Variants in MCF2L2 observed in about 807,000 individuals in gnomAD.
MCF2L2 encodes probable guanine nucleotide exchange factor MCF2L2.
A neutral mutation model predicts 150.2 loss-of-function variants in MCF2L2; 102 were observed. The ratio of observed to expected loss-of-function variants is 0.68; its 90% CI spans 0.58 to 0.80. The LOEUF (loss-of-function observed/expected upper bound fraction) is 0.80, where lower values mean the gene tolerates loss of function less well. Among genes scored for constraint, MCF2L2 ranks in the 30% least tolerant of loss-of-function variants. MCF2L2 has a pLI of 0.00. For missense variants in MCF2L2, 1,256 were observed against 1,372.8 expected, an observed-to-expected ratio of 0.91 and a Z score of 1.34; for synonymous variants, 465 against 491.3, an observed-to-expected ratio of 0.95 and a Z score of 0.71.
intron 3 of MCF2L2, among the ~76,000 whole-genome samples, chr3:183,363,311 C>A (rs1448060258): frequency 6.6e-6 from 1 of 152,126 alleles, no homozygotes; most frequent in African/African-American, 2.4e-5. Flanking sequence ...TAATTTTGCT[C>A]TTTAGTATTT....
chr3:183,323,319 G>A lies in MCF2L2; in HGVS notation c.519C>T (p.His173=), dbSNP rs148174419. The change falls in exon 6 of 30, where the codon CAC becomes CAT. Residue 173 remains histidine (H), a synonymous_variant. Coordinates refer to ENST00000328913, the MANE Select transcript of MCF2L2 (RefSeq NM_015078.4). The stretch of plus-strand genomic sequence containing the variant: ...TCAGTTGGCTTTTGTCGATGTAGCC[G>A]TGAAGGTCAGAGACAGAGTTTACCA... The part of the protein sequence containing the change: ...IIMVNSVSDL[H]GYIDKSQLTR... 52 of 1,613,412 alleles carry A rather than the reference G, an allele frequency of 3.2e-5. No homozygotes were observed. The highest frequency in any genetic ancestry group is 6.7e-5 in the African/African-American group (5 of 74,892).
At position 183,224,198 on chromosome 3, in the gene MCF2L2, G is replaced by C; in HGVS notation, c.2116-8C>G. ...TATCTGAAGATCTTCTTTCTAGGTG[G>C]GAAAAAATTAGAATAAATTAATCAG... On this transcript the variant is annotated splice_region_variant and splice_polypyrimidine_tract_variant and intron_variant, in intron 18 of 29. Coordinates refer to ENST00000328913, the MANE Select transcript of MCF2L2 (RefSeq NM_015078.4). 1 of 1,582,316 alleles carries C rather than the reference G, an allele frequency of 6.3e-7. No homozygotes were observed. The highest frequency in any genetic ancestry group is 1.1e-5 in the South Asian group (1 of 90,190).
intron 5 of MCF2L2, among the ~76,000 whole-genome samples, chr3:183,326,348 C>T (rs1189215447): frequency 4.0e-5 from 6 of 151,716 alleles, no homozygotes; most frequent in Middle Eastern, 3.4e-3. Flanking sequence ...AAAAATTAGC[C>T]GGGCATGGTG....
chr3:183,299,767 A>G (rs555745261), intron 11 of MCF2L2: 1 of 470,908 alleles, frequency 2.1e-6, no homozygotes, highest in Non-Finnish European at 3.7e-6. Flanking sequence ...CACAGATAGA[A>G]ATGGGCTTCA....
intron 11 of MCF2L2, chr3:183,299,052 G>A (rs1728705435): frequency 6.6e-6 from 1 of 152,274 alleles, no homozygotes; most frequent in Admixed American, 6.5e-5. Flanking sequence ...ATGCTGCCTG[G>A]GACCAGCTCA....
At chr3:183,216,209 T>C in intron 21 of MCF2L2, 115 bp from the exon 22 acceptor site, 1 of 1,121,226 alleles carries the variant, frequency 8.9e-7, no homozygotes, top group Non-Finnish European at 1.3e-6. Context: ...CTGAGAAGGG[T>C]GGATATTGAT....
intron 1 of MCF2L2, among the ~76,000 whole-genome samples, chr3:183,394,222 T>A (rs1010023140): frequency 9.2e-5 from 14 of 152,310 alleles, no homozygotes; most frequent in African/African-American, 3.1e-4. Context: ...TAACAAGCCA[T>A]GAACCAGGAT....
At chr3:183,302,636 G>A (rs1448311385) in intron 10 of MCF2L2, among the ~76,000 whole-genome samples, 1 of 152,150 alleles carries the variant, frequency 6.6e-6, no homozygotes, top group African/African-American at 2.4e-5. Flanking sequence ...TTAAGGGGCT[G>A]CTGCAGGAAT....
At chr3:183,295,990 A>G (rs1728481810) in intron 12 of MCF2L2, among the ~76,000 whole-genome samples, 1 of 152,106 alleles carries the variant, frequency 6.6e-6, no homozygotes. Flanking sequence ...TTAGAATACA[A>G]TGTGGCTTGT....
At chr3:183,308,195 G>A (rs755305469) in intron 10 of MCF2L2, among the ~76,000 whole-genome samples, 3 of 152,256 alleles carry the variant, frequency 2.0e-5, no homozygotes, top group South Asian at 2.1e-4. Flanking sequence ...CTGGCTCACC[G>A]CTGCACCCAC....
chr3:183,392,340 C>T (rs1482322060), intron 1 of MCF2L2, among the ~76,000 whole-genome samples: 1 of 152,082 alleles, frequency 6.6e-6, no homozygotes, highest in Non-Finnish European at 1.5e-5. Context: ...CTCGGCCACG[C>T]GTGATAGAGT....
At chr3:183,199,234 A>G (rs1722175553) in intron 25 of MCF2L2, among the ~76,000 whole-genome samples, 1 of 152,230 alleles carries the variant, frequency 6.6e-6, no homozygotes. Context: ...CATTCCTGCT[A>G]TCTCTAAAGA....
rs934640050 is a variant in MCF2L2 at position 183,410,602 on chromosome 3, C to T, written c.76+17300G>A. ...GACATCTTAATGTAGTTATGGTGCC[C>T]GAGCACCTAGGCAGTCACACAGGGG... On this transcript the variant is annotated intron_variant, in intron 1 of 29. Coordinates refer to ENST00000328913, the MANE Select transcript of MCF2L2 (RefSeq NM_015078.4). 1.1e-4 allele frequency among the ~76,000 whole-genome samples: 16 copies of T among 152,160 alleles called. 1 individual carries two copies. Among genetic ancestry groups the T allele is most frequent in the South Asian group, 4.1e-4 (2 of 4,822 alleles).
chr3:183,201,201 A>G (rs368500627), intron 25 of MCF2L2, among the ~76,000 whole-genome samples: 4 of 152,254 alleles, frequency 2.6e-5, no homozygotes, highest in South Asian at 2.1e-4. Context: ...CATTGAATCT[A>G]TAAATTACCT....
chr3:183,218,294 A>G (rs1372446946), intron 21 of MCF2L2, among the ~76,000 whole-genome samples: 1 of 152,246 alleles, frequency 6.6e-6, no homozygotes, highest in East Asian at 1.9e-4. Context: ...TCCTGGTAAA[A>G]GAAAACAGAC....
chr3:183,287,266 A>G (rs988809495), intron 14 of MCF2L2, among the ~76,000 whole-genome samples: 10 of 151,996 alleles, frequency 6.6e-5, no homozygotes, highest in African/African-American at 2.2e-4. Context: ...TATGCTTAAA[A>G]CTCCCGTAGC....
At chr3:183,309,649 CTGGACATGATCCATCATTG>C in intron 10 of MCF2L2, 48 bp downstream of exon 10, 1 of 1,602,100 alleles carries the variant, frequency 6.2e-7, no homozygotes, top group South Asian at 1.1e-5. Context: ...ATAGCAATGA[CTGGACATGATCCATCATTG>C]TCCACAGCAA....
intron 5 of MCF2L2, among the ~76,000 whole-genome samples, chr3:183,326,054 G>C (rs1730010666): frequency 6.6e-6 from 1 of 152,150 alleles, no homozygotes; most frequent in East Asian, 1.9e-4. Flanking sequence ...AGTCACATAA[G>C]TTTTGTCAGT....
At chr3:183,312,155 C>T (rs890330858) in intron 7 of MCF2L2, among the ~76,000 whole-genome samples, 28 of 152,208 alleles carry the variant, frequency 1.8e-4, no homozygotes, top group African/African-American at 6.3e-4. Flanking sequence ...AACTACTGAG[C>T]AATAATAATG....
Sources: gnomAD v4.1 joint callset for allele counts (sites outside exome capture counted in the v4.1 genomes callset) on GRCh38, gnomAD v4.1.1 for gene constraint, MANE v1.5 for transcripts, NCBI Gene and HGNC (gene_info 2026-07-23, HGNC 2026-07-21) for gene names.